Variants in ADAM12 observed in about 807,000 individuals in gnomAD.
The protein encoded by ADAM12 is ADAM metallopeptidase domain 12.
In ADAM12, 70 loss-of-function variants were observed where a neutral mutation model predicts 106.4. The observed-to-expected ratio is 0.66, with a 90% CI of 0.54 to 0.80. The LOEUF (loss-of-function observed/expected upper bound fraction) is 0.80, where lower values mean the gene tolerates loss of function less well. ADAM12 is among the 30% of genes least tolerant of loss of function. ADAM12 has a pLI of 0.00. For synonymous variants in ADAM12, 420 were observed against 433.5 expected (o/e 0.97, Z 0.39); for missense variants, 1,010 against 1,171.9 (o/e 0.86, Z 2.02).
intron 4 of ADAM12, among the ~76,000 whole-genome samples, chr10:126,149,579 G>T (rs901445836): frequency 1.3e-5 from 2 of 152,194 alleles, no homozygotes; most frequent in African/African-American, 2.4e-5. Flanking sequence ...CTCAATCTGG[G>T]TGGGCACCAT....
chr10:126,134,975 C>T (rs1179418239), intron 5 of ADAM12, among the ~76,000 whole-genome samples: 1 of 152,250 alleles, frequency 6.6e-6, no homozygotes, highest in African/African-American at 2.4e-5. Flanking sequence ...CTGGGGAGCA[C>T]ATAAGGGCCA....
chr10:126,021,180 T>A (rs1953760381), intron 21 of ADAM12, among the ~76,000 whole-genome samples: 1 of 151,920 alleles, frequency 6.6e-6, no homozygotes, highest in Admixed American at 6.6e-5. Flanking sequence ...CCGGAAACAC[T>A]CATGAATGCA....
At chr10:126,288,854 C>G (rs1960009841) in intron 2 of ADAM12, among the ~76,000 whole-genome samples, 1 of 150,698 alleles carries the variant, frequency 6.6e-6, no homozygotes, top group Admixed American at 6.6e-5. Context: ...CATAGTGGCC[C>G]AGGGGAAAGG....
chr10:126,289,207 G>A lies in ADAM12; in HGVS notation c.187-10219C>T, dbSNP rs554929682. Among the ~76,000 whole-genome samples the A allele has an allele frequency of 1.2e-3, 184 of 152,326 alleles. 4 individuals carry two copies. The South Asian group carries it at 0.037, about 30-fold the overall frequency. ...GTCAGCCTCTGACCAGGCCCCAGCT[G>A]ACACCAAACCCTGCCAGGCTGTGGG... On this transcript the variant is annotated intron_variant, in intron 2 of 22. Coordinates refer to ENST00000448723, the MANE Select transcript of ADAM12 (RefSeq NM_001288973.2).
intron 2 of ADAM12, among the ~76,000 whole-genome samples, chr10:126,293,736 G>A (rs762560853): frequency 1.3e-5 from 2 of 152,112 alleles, no homozygotes; most frequent in Non-Finnish European, 2.9e-5. Flanking sequence ...GGCCAGGCTG[G>A]TCTTGAACTC....
intron 3 of ADAM12, among the ~76,000 whole-genome samples, chr10:126,233,656 C>A (rs1958357495): frequency 6.6e-6 from 1 of 152,120 alleles, no homozygotes; most frequent in South Asian, 2.1e-4. Flanking sequence ...TAAGCCTCAA[C>A]CATCTCGTGG....
At chr10:126,057,643 C>G (rs1288015351) in intron 14 of ADAM12, among the ~76,000 whole-genome samples, 1 of 152,140 alleles carries the variant, frequency 6.6e-6, no homozygotes, top group African/African-American at 2.4e-5. Flanking sequence ...TGGGCCACTT[C>G]CTGGGGCCAG....
intron 3 of ADAM12, among the ~76,000 whole-genome samples, chr10:126,206,203 T>G (rs1464420636): frequency 2.6e-5 from 4 of 152,218 alleles, no homozygotes; most frequent in African/African-American, 9.7e-5. Flanking sequence ...AGAAAACAAT[T>G]GCAAGGCAAA....
intron 11 of ADAM12, among the ~76,000 whole-genome samples, chr10:126,077,049 G>A (rs1054536190): frequency 6.6e-6 from 1 of 152,166 alleles, no homozygotes; most frequent in Non-Finnish European, 1.5e-5. Context: ...AATGAACTCA[G>A]TAAAGTTTCA....
intron 14 of ADAM12, among the ~76,000 whole-genome samples, chr10:126,051,015 C>G (rs182806625): frequency 6.6e-6 from 1 of 152,316 alleles, no homozygotes; most frequent in African/African-American, 2.4e-5. Context: ...TGTTCCACAT[C>G]TGCCTTGCTC....
intron 3 of ADAM12, among the ~76,000 whole-genome samples, chr10:126,243,848 T>C (rs1230623472): frequency 6.6e-6 from 1 of 152,198 alleles, no homozygotes; most frequent in African/African-American, 2.4e-5. Flanking sequence ...TGTCGTGGGA[T>C]GGCACAGACA....
chr10:126,307,105 C>T (rs1807365469), intron 2 of ADAM12, among the ~76,000 whole-genome samples: 1 of 152,140 alleles, frequency 6.6e-6, no homozygotes, highest in Admixed American at 6.6e-5. Context: ...TTCACTATTC[C>T]CAACAACTTC....
At chr10:126,172,904 A>G (rs1957144771) in intron 3 of ADAM12, among the ~76,000 whole-genome samples, 2 of 152,256 alleles carry the variant, frequency 1.3e-5, no homozygotes, top group African/African-American at 4.8e-5. Flanking sequence ...TGGCACATAT[A>G]CACCATGGAA....
At chr10:126,338,487 C>T (rs949026424) in intron 1 of ADAM12, among the ~76,000 whole-genome samples, 2 of 151,850 alleles carry the variant, frequency 1.3e-5, no homozygotes, top group Admixed American at 6.6e-5. Flanking sequence ...CTCCTGACCT[C>T]GTGATCCGCC....
chr10:126,039,400 C>G lies in ADAM12; in HGVS notation c.2134G>C (p.Val712Leu), dbSNP rs145820704. 6.2e-7 allele frequency: 1 copy of G among 1,613,980 alleles called. No individual in the cohort carries two copies. Among genetic ancestry groups the G allele is most frequent in the African/African-American group, 1.3e-5 (1 of 74,880 alleles). ...GCAGCAAGAAGACACAGGATGGTCA[C>G]CAGAATTCCTATGGTTAAACCTTGG... The part of the protein sequence containing the change: ...DNQGLTIGIL[V>L]TILCLLAAGF... The change falls in exon 19 of 23, where the codon GTG becomes CTG. Residue 712 changes from valine (V) to leucine (L), a missense_variant. By Grantham distance (32) the Val-to-Leu change is conservative (BLOSUM62 1). Around this residue, in one of 3 missense-constraint regions of ADAM12, gnomAD observed 615 missense variants for 708.5 expected, o/e 0.87. Transcript: ENST00000448723.
chr10:126,224,211 C>A (rs927335635), intron 3 of ADAM12, among the ~76,000 whole-genome samples: 1 of 152,170 alleles, frequency 6.6e-6, no homozygotes, highest in African/African-American at 2.4e-5. Context: ...TCCTCCTGTC[C>A]TTCCCTGTCT....
At chr10:126,292,476 T>C (rs1296497504) in intron 2 of ADAM12, among the ~76,000 whole-genome samples, 1 of 152,230 alleles carries the variant, frequency 6.6e-6, no homozygotes, top group African/African-American at 2.4e-5. Context: ...CCTGAGCTGT[T>C]TTATTAATGC....
chr10:126,186,018 G>A (rs1040243813), intron 3 of ADAM12, among the ~76,000 whole-genome samples: 1 of 152,268 alleles, frequency 6.6e-6, no homozygotes, highest in South Asian at 2.1e-4. Context: ...ACCTCTATCC[G>A]GAATGACAAC....
intron 5 of ADAM12, among the ~76,000 whole-genome samples, chr10:126,119,655 C>T (rs1956049408): frequency 6.6e-6 from 1 of 152,140 alleles, no homozygotes; most frequent in Non-Finnish European, 1.5e-5. Context: ...GGAAAGAAAG[C>T]ATAGATTCTT....
Sources: allele counts gnomAD v4.1 joint callset (sites outside exome capture counted in the v4.1 genomes callset), GRCh38; gene constraint gnomAD v4.1.1; regional missense constraint gnomAD v4.1.1; transcripts MANE v1.5; gene names NCBI Gene and HGNC (gene_info 2026-07-23, HGNC 2026-07-21).